The following LRRC3B variants were observed in gnomAD, a reference collection of about 807,000 sequenced individuals.
The protein encoded by LRRC3B is leucine rich repeat containing 3B, also known as leucine-rich repeat-containing protein 3B.
Under a neutral mutation model 12.8 loss-of-function variants are expected in LRRC3B, and 2 were observed. That is an observed-to-expected ratio of 0.16 (90% confidence interval 0.06 to 0.49). The LOEUF (loss-of-function observed/expected upper bound fraction) is 0.49. LRRC3B is among the 20% of genes least tolerant of loss of function. The pLI, the probability that LRRC3B is intolerant of heterozygous loss-of-function variation, is 0.96. For missense variants in LRRC3B, 189 were observed against 319.4 expected, an observed-to-expected ratio of 0.59 and a Z score of 3.11; for synonymous variants, 132 against 122.0, an observed-to-expected ratio of 1.08 and a Z score of -0.54.
chr3:26,709,382 G>T, intron 1 of LRRC3B, 131 bp from the exon 2 acceptor site: 1 of 409,502 alleles, frequency 2.4e-6, no homozygotes, highest in Non-Finnish European at 4.4e-6. Flanking sequence ...ACTCCCAGTG[G>T]CATTGATGGA....
chr3:26,632,337 A>G (rs1037383749), intron 1 of LRRC3B, among the ~76,000 whole-genome samples: 2 of 152,192 alleles, frequency 1.3e-5, no homozygotes, highest in African/African-American at 4.8e-5. Flanking sequence ...TGCATATAAG[A>G]GGATTACATC....
intron 1 of LRRC3B, among the ~76,000 whole-genome samples, chr3:26,664,794 G>A (rs1372177107): frequency 6.6e-6 from 1 of 152,028 alleles, no homozygotes; most frequent in South Asian, 2.1e-4. Flanking sequence ...ATCAGCATTG[G>A]TTAAGGGATG....
At chr3:26,681,234 G>T (rs1699964525) in intron 1 of LRRC3B, among the ~76,000 whole-genome samples, 2 of 152,174 alleles carry the variant, frequency 1.3e-5, no homozygotes, top group Admixed American at 6.5e-5. Flanking sequence ...ACACTGAATT[G>T]TATTAATGAA....
chr3:26,640,426 TAAAAAAAA>T (rs10707193), intron 1 of LRRC3B, among the ~76,000 whole-genome samples: 1 of 140,192 alleles, frequency 7.1e-6, no homozygotes. Flanking sequence ...CCTTATAAAC[TAAAAAAAA>T]AAAAAAAACC....
intron 1 of LRRC3B, among the ~76,000 whole-genome samples, chr3:26,639,581 C>T (rs1382351780): frequency 1.4e-5 from 2 of 146,638 alleles, no homozygotes; most frequent in African/African-American, 5.2e-5. Flanking sequence ...ATATTTAGTT[C>T]CTCAGTCACA....
At chr3:26,703,353 A>G (rs1352371) in intron 1 of LRRC3B, among the ~76,000 whole-genome samples, 45,668 of 152,096 alleles carry the variant, frequency 0.3, 7,401 homozygotes, top group Middle Eastern at 0.42. Flanking sequence ...CCAAATGAGA[A>G]TAAGCAAATG....
intron 1 of LRRC3B, among the ~76,000 whole-genome samples, chr3:26,702,482 G>A: frequency 6.6e-6 from 1 of 151,712 alleles, no homozygotes; most frequent in East Asian, 1.9e-4. Context: ...AGCTGGATTG[G>A]TTTCTGATAA....
At chr3:26,700,453 T>C (rs373098432) in intron 1 of LRRC3B, among the ~76,000 whole-genome samples, 12 of 152,314 alleles carry the variant, frequency 7.9e-5, no homozygotes, top group African/African-American at 2.9e-4. Context: ...GCTGTATGGC[T>C]TTGAGGAGTC....
chr3:26,690,000 C>A (rs1700158412), intron 1 of LRRC3B, among the ~76,000 whole-genome samples: 1 of 152,176 alleles, frequency 6.6e-6, no homozygotes, highest in Non-Finnish European at 1.5e-5. Flanking sequence ...ATTGAGGAGA[C>A]CCCACCTGGT....
chr3:26,628,695 A>T (rs1698685008), intron 1 of LRRC3B, among the ~76,000 whole-genome samples: 2 of 151,996 alleles, frequency 1.3e-5, no homozygotes, highest in African/African-American at 4.8e-5. Context: ...CAACATGATA[A>T]TGACATATGA....
At chr3:26,710,025 T>C in exon 2 of LRRC3B, 1 of 1,614,154 alleles carries the variant, frequency 6.2e-7, no homozygotes, top group Non-Finnish European at 8.5e-7. Flanking sequence ...TTGCAGACTC[T>C]GGACTTGTCC....
chr3:26,663,545 A>G (rs1168739568), intron 1 of LRRC3B, among the ~76,000 whole-genome samples: 1 of 152,284 alleles, frequency 6.6e-6, no homozygotes, highest in Non-Finnish European at 1.5e-5. Context: ...AGGCAATTCT[A>G]TATCAGTACT....
chr3:26,655,392 G>A (rs777064733), intron 1 of LRRC3B, among the ~76,000 whole-genome samples: 3 of 152,130 alleles, frequency 2.0e-5, no homozygotes, highest in African/African-American at 7.2e-5. Context: ...GCACCATAAT[G>A]TCTATATCTT....
At chr3:26,673,768 A>G (rs868846632) in intron 1 of LRRC3B, among the ~76,000 whole-genome samples, 3 of 152,106 alleles carry the variant, frequency 2.0e-5, no homozygotes, top group East Asian at 1.9e-4. Flanking sequence ...AGCCTCCTCC[A>G]CTGAAACAGG....
At chr3:26,708,841 G>A (rs1420523782) in intron 1 of LRRC3B, among the ~76,000 whole-genome samples, 1 of 152,048 alleles carries the variant, frequency 6.6e-6, no homozygotes, top group Non-Finnish European at 1.5e-5. Flanking sequence ...AAGGGGATAT[G>A]GTCCTTAGAA....
At chr3:26,636,916 CTCTTTCTT>C (rs559017147) in intron 1 of LRRC3B, among the ~76,000 whole-genome samples, 2,861 of 70,820 alleles carry the variant, frequency 0.04, 128 homozygotes, top group African/African-American at 0.082. Context: ...CTCTCTTTCT[CTCTTTCTT>C]TCTTTCTTTC....
chr3:26,656,414 G>A lies in LRRC3B; in HGVS notation c.-161+33177G>A, dbSNP rs74488726. Among the ~76,000 whole-genome samples, 747 of 152,236 alleles carry A rather than the reference G, an allele frequency of 4.9e-3. 6 individuals carry two copies. Among genetic ancestry groups the A allele is most frequent in the African/African-American group, 0.017 (712 of 41,528 alleles). On this transcript the variant is annotated intron_variant, in intron 1 of 1. Transcript: ENST00000396641. ...CATTCAGGGAGCTAAGTTGACTCTA[G>A]CTCTATTATTGTGTATACATGGCTT...
chr3:26,696,490 T>G (rs191604471), intron 1 of LRRC3B, among the ~76,000 whole-genome samples: 14 of 152,336 alleles, frequency 9.2e-5, no homozygotes, highest in African/African-American at 3.4e-4. Flanking sequence ...GTAAATTTGA[T>G]CAGACTCTCC....
At chr3:26,706,555 GCATTACATCC>G (rs1700593326) in intron 1 of LRRC3B, among the ~76,000 whole-genome samples, 1 of 152,192 alleles carries the variant, frequency 6.6e-6, no homozygotes, top group Admixed American at 6.5e-5. Flanking sequence ...CAGTTCACAA[GCATTACATCC>G]AGTTCACAGG....
Sources: gnomAD v4.1 joint callset for allele counts (sites outside exome capture counted in the v4.1 genomes callset) on GRCh38, gnomAD v4.1.1 for gene constraint, MANE v1.5 for transcripts, NCBI Gene and HGNC (gene_info 2026-07-23, HGNC 2026-07-21) for gene names.